The following SLC8A3 variants were observed in gnomAD, a reference collection of about 807,000 sequenced individuals.
The protein encoded by SLC8A3 is solute carrier family 8 member A3.
A neutral mutation model predicts 65.4 loss-of-function variants in SLC8A3; 37 were observed. The observed-to-expected ratio is 0.57, with a 90% CI of 0.44 to 0.74. The LOEUF (loss-of-function observed/expected upper bound fraction) is 0.74. SLC8A3 is among the 30% of genes least tolerant of loss of function. The pLI is 0.00. For missense variants in SLC8A3, 1,112 were observed against 1,172.1 expected, an observed-to-expected ratio of 0.95 and a Z score of 0.75; for synonymous variants, 461 against 444.5, an observed-to-expected ratio of 1.04 and a Z score of -0.47.
intron 2 of SLC8A3, among the ~76,000 whole-genome samples, chr14:70,136,196 C>T (rs980192243): frequency 1.4e-4 from 22 of 152,196 alleles, no homozygotes; most frequent in Admixed American, 1.3e-4. Flanking sequence ...TGGAGTCACC[C>T]AGCCCAGGAT....
intron 2 of SLC8A3, among the ~76,000 whole-genome samples, chr14:70,146,762 G>A (rs1397341718): frequency 1.3e-5 from 2 of 152,098 alleles, no homozygotes; most frequent in Non-Finnish European, 2.9e-5. Context: ...GTTTGTGTTT[G>A]CGCTGATGAG....
At chr14:70,153,498 CA>C (rs1003111064) in intron 2 of SLC8A3, among the ~76,000 whole-genome samples, 2 of 152,102 alleles carry the variant, frequency 1.3e-5, no homozygotes, top group South Asian at 2.1e-4. Flanking sequence ...GAATCCCTGA[CA>C]AAAAAACAAG....
At chr14:70,102,507 A>G (rs754581867) in intron 2 of SLC8A3, among the ~76,000 whole-genome samples, 1 of 152,228 alleles carries the variant, frequency 6.6e-6, no homozygotes, top group Non-Finnish European at 1.5e-5. Flanking sequence ...AAGATCACTC[A>G]ATAGAAAATA....
intron 1 of SLC8A3, 32 bp from the exon 2 acceptor site, chr14:70,168,516 T>A: frequency 9.6e-7 from 1 of 1,040,298 alleles, no homozygotes; most frequent in Admixed American, 2.6e-5. Context: ...GGAAAAGGCA[T>A]GAGGAAAAAG....
Position 70,167,530 on chromosome 14 carries a change from T to A in SLC8A3, c.893A>T (p.Asp298Val), listed in dbSNP as rs745916476. The A allele has an allele frequency of 9.9e-6, 16 of 1,613,898 alleles. No individual in the cohort carries two copies. The highest frequency in any genetic ancestry group is 1.3e-5 in the Non-Finnish European group (15 of 1,180,010). The change falls in exon 2 of 7, where the codon GAT becomes GTT. Residue 298 changes from aspartate (D) to valine (V), a missense_variant. Physicochemically the swap from Asp to Val is radical, Grantham distance 152. Transcript: ENST00000356921. Reference protein sequence around the residue: ...DGKMMNSHFLDGNLVPLEGKE... With the variant: ...DGKMMNSHFLVGNLVPLEGKE... ...CCCTTCCAGGGGCACCAGGTTCCCA[T>A]CTAGAAAATGGGAATTCATCATTTT...
intron 2 of SLC8A3, among the ~76,000 whole-genome samples, chr14:70,121,196 T>G (rs1473835649): frequency 6.6e-6 from 1 of 151,974 alleles, no homozygotes; most frequent in Non-Finnish European, 1.5e-5. Context: ...ATTAAACAGC[T>G]CATCTGATTC....
intron 2 of SLC8A3, among the ~76,000 whole-genome samples, chr14:70,110,607 G>A (rs1893225070): frequency 6.7e-6 from 1 of 150,372 alleles, no homozygotes; most frequent in African/African-American, 2.4e-5. Flanking sequence ...GGGCACTTAG[G>A]TTGCTTCCAA....
At chr14:70,096,708 A>G (rs1338432008) in intron 2 of SLC8A3, among the ~76,000 whole-genome samples, 1 of 152,168 alleles carries the variant, frequency 6.6e-6, no homozygotes, top group Non-Finnish European at 1.5e-5. Context: ...ACAAATCCTC[A>G]ATTCATGTCC....
chr14:70,084,377 A>G (rs940758835), intron 2 of SLC8A3, among the ~76,000 whole-genome samples: 1 of 152,156 alleles, frequency 6.6e-6, no homozygotes, highest in Non-Finnish European at 1.5e-5. Flanking sequence ...GCTGTTGTCA[A>G]CCTTCTGGGG....
At chr14:70,165,510 T>G (rs1422489878) in intron 2 of SLC8A3, among the ~76,000 whole-genome samples, 1 of 152,170 alleles carries the variant, frequency 6.6e-6, no homozygotes, top group East Asian at 1.9e-4. Flanking sequence ...CCTTTTACTC[T>G]TCACACCATC....
intron 3 of SLC8A3, among the ~76,000 whole-genome samples, chr14:70,055,056 T>A (rs1887929726): frequency 6.6e-6 from 1 of 152,178 alleles, no homozygotes; most frequent in Admixed American, 6.5e-5. Context: ...ATGTTGTTTA[T>A]GATTGGTTTC....
At chr14:70,177,360 C>G (rs965120165) in intron 1 of SLC8A3, among the ~76,000 whole-genome samples, 2 of 152,160 alleles carry the variant, frequency 1.3e-5, no homozygotes, top group Non-Finnish European at 2.9e-5. Context: ...AAAATATAAT[C>G]CCTCTAGAGA....
intron 1 of SLC8A3, among the ~76,000 whole-genome samples, chr14:70,176,850 C>T (rs10483822): frequency 0.66 from 99,799 of 152,136 alleles, 33,398 homozygotes; most frequent in South Asian, 0.72. Flanking sequence ...TGATGCTATT[C>T]GTCCATTTTC....
chr14:70,093,806 T>A (rs980839217), intron 2 of SLC8A3, among the ~76,000 whole-genome samples: 1 of 152,178 alleles, frequency 6.6e-6, no homozygotes, highest in Non-Finnish European at 1.5e-5. Flanking sequence ...TGCTCAGTAT[T>A]TGGTCATGAA....
chr14:70,110,793 G>A (rs1327630355), intron 2 of SLC8A3, among the ~76,000 whole-genome samples: 1 of 147,890 alleles, frequency 6.8e-6, no homozygotes, highest in East Asian at 2.0e-4. Context: ...CCATTCTCCT[G>A]CCTCAGCCTT....
intron 2 of SLC8A3, among the ~76,000 whole-genome samples, chr14:70,154,064 G>A (rs766095564): frequency 6.6e-6 from 1 of 152,206 alleles, no homozygotes; most frequent in Non-Finnish European, 1.5e-5. Flanking sequence ...GGGCATTAAG[G>A]ACTTTATTTG....
In SLC8A3 at chr14:70,166,649, C is replaced by A. The variant is rs763014478; in HGVS notation, c.1774G>T (p.Asp592Tyr). ...DTYGELEFKN[D>Y]ETVKTIRVKI... ...AGGAAGGTTACTTACACAGTTTCAT[C>A]ATTCTTGAATTCCAACTCCCCATAT... The change falls in exon 2 of 7, where the codon GAT (aspartate) becomes TAT (tyrosine). Residue 592 changes from aspartate to tyrosine, a missense_variant. By Grantham distance (160) the Asp-to-Tyr change is radical. Coordinates refer to ENST00000356921, the MANE Select transcript of SLC8A3 (RefSeq NM_182932.3). 6.3e-7 allele frequency: 1 copy of A among 1,585,086 alleles called. No individual in the cohort carries two copies. The highest frequency in any genetic ancestry group is 1.2e-5 in the South Asian group (1 of 86,718).
intron 2 of SLC8A3, among the ~76,000 whole-genome samples, chr14:70,109,437 G>A (rs1387052340): frequency 8.3e-6 from 1 of 120,950 alleles, no homozygotes; most frequent in Non-Finnish European, 1.7e-5. Context: ...ATATATACAT[G>A]TATATGTACG....
chr14:70,123,280 G>T (rs1894209653), intron 2 of SLC8A3, among the ~76,000 whole-genome samples: 2 of 151,632 alleles, frequency 1.3e-5, no homozygotes, highest in Non-Finnish European at 2.9e-5. Context: ...TCCATGGTTA[G>T]AATTATTCCA....
Sources: allele counts gnomAD v4.1 joint callset (sites outside exome capture counted in the v4.1 genomes callset), GRCh38; gene constraint gnomAD v4.1.1; transcripts MANE v1.5; gene names NCBI Gene and HGNC (gene_info 2026-07-23, HGNC 2026-07-21).